Variants in OXR1 observed in about 807,000 individuals in gnomAD.
The protein encoded by OXR1 is oxidation resistance 1.
A neutral mutation model predicts 104.6 loss-of-function variants in OXR1; 41 were observed. The ratio of observed to expected loss-of-function variants is 0.39; its 90% CI spans 0.31 to 0.51. The LOEUF is 0.51. Ranked by LOEUF, OXR1 falls within the 20% of genes least tolerant of loss-of-function variation. The pLI is 0.77. For missense variants in OXR1, 955 were observed against 1,031.9 expected (o/e 0.93, Z 1.02); for synonymous variants, 348 against 348.4 (o/e 1.00, Z 0.01).
chr8:106,366,119 G>T (rs1010674580), intron 2 of OXR1, among the ~76,000 whole-genome samples: 3 of 152,076 alleles, frequency 2.0e-5, no homozygotes, highest in African/African-American at 7.2e-5. Context: ...ACCAGGTTTG[G>T]GGAAAAATAT....
intron 3 of OXR1, among the ~76,000 whole-genome samples, chr8:106,653,380 C>G (rs1415352673): frequency 6.6e-6 from 1 of 151,710 alleles, no homozygotes; most frequent in Non-Finnish European, 1.5e-5. Context: ...AGAATACCAA[C>G]AAACCAAATC....
In OXR1 at chr8:106,270,260, A is replaced by C. The variant is rs1428433223; in HGVS notation, c.-246A>C. ...GGCTGAGCCCATTCACCTCGCGGCCACAGGAGCTCAGCGCCGGCGCCGCGC... is the reference window on the plus strand; with the variant it reads ...GGCTGAGCCCATTCACCTCGCGGCCCCAGGAGCTCAGCGCCGGCGCCGCGC... On this transcript the variant is annotated 5_prime_UTR_variant, in exon 1 of 17. Coordinates refer to ENST00000517566, the MANE Select transcript of OXR1 (RefSeq NM_001198533.2). The C allele has an allele frequency of 6.6e-6, 1 of 151,880 alleles. No homozygotes were observed. Among genetic ancestry groups the C allele is most frequent in the Non-Finnish European group, 1.5e-5 (1 of 67,994 alleles). 9.4% of individuals were successfully genotyped at this position (151,880 alleles called of 1,614,324 possible).
Position 106,740,354 on chromosome 8 carries a change from T to A in OXR1, c.2175T>A (p.His725Gln). The change falls in exon 14 of 17, where the codon CAT becomes CAA. Residue 725 changes from histidine to glutamine, a missense_variant. His to Gln is a conservative substitution (Grantham distance 24). Around this residue, in one of 2 missense-constraint regions of OXR1, gnomAD observed 849 missense variants for 852.9 expected, o/e 1.00. Coordinates refer to ENST00000517566, the MANE Select transcript of OXR1 (RefSeq NM_001198533.2). Reference sequence around the variant, plus strand: ...TTTGTTTTCTAAAGCTTACCAAGCATCTTCCACCAAGAACAATTGGCTATC... The same window carrying A: ...TTTGTTTTCTAAAGCTTACCAAGCAACTTCCACCAAGAACAATTGGCTATC... Reference protein sequence around the residue: ...LPDQIEKLTKHLPPRTIGYPW... With the variant: ...LPDQIEKLTKQLPPRTIGYPW... The A allele has an allele frequency of 2.5e-6, 4 of 1,611,058 alleles. No homozygotes were observed. Among genetic ancestry groups the A allele is most frequent in the Non-Finnish European group, 3.4e-6 (4 of 1,178,752 alleles).
chr8:106,284,075 A>G (rs1376373436), intron 1 of OXR1, among the ~76,000 whole-genome samples: 1 of 152,170 alleles, frequency 6.6e-6, no homozygotes, highest in Non-Finnish European at 1.5e-5. Flanking sequence ...TCAGCCGAAC[A>G]TGGGATACAA....
chr8:106,310,227 G>A (rs964808822), intron 1 of OXR1, among the ~76,000 whole-genome samples: 2 of 116,860 alleles, frequency 1.7e-5, no homozygotes, highest in Admixed American at 1.7e-4. Context: ...CAGTTCCTGT[G>A]ACCTTTTTTT....
intron 3 of OXR1, among the ~76,000 whole-genome samples, chr8:106,588,210 C>T (rs1243043159): frequency 5.9e-5 from 9 of 152,018 alleles, no homozygotes; most frequent in African/African-American, 9.7e-5. Context: ...CCGCCCACCT[C>T]GGCCTCCCAA....
chr8:106,487,047 A>G (rs888875032), intron 2 of OXR1, among the ~76,000 whole-genome samples: 4 of 140,556 alleles, frequency 2.8e-5, no homozygotes, highest in African/African-American at 8.1e-5. Flanking sequence ...TTTTTGAGAC[A>G]GTGTCTCACT....
chr8:106,299,522 C>G (rs1223523227), intron 1 of OXR1, among the ~76,000 whole-genome samples: 1 of 152,082 alleles, frequency 6.6e-6, no homozygotes, highest in Non-Finnish European at 1.5e-5. Flanking sequence ...GGCAACTGTT[C>G]CATCTGATAC....
chr8:106,650,723 T>C (rs772894960), intron 3 of OXR1, among the ~76,000 whole-genome samples: 2 of 152,218 alleles, frequency 1.3e-5, no homozygotes, highest in Admixed American at 6.5e-5. Flanking sequence ...TAGGTTCTTA[T>C]ATATACTAAC....
intron 10 of OXR1, among the ~76,000 whole-genome samples, chr8:106,712,973 A>G (rs376785346): frequency 2.0e-5 from 3 of 152,074 alleles, no homozygotes; most frequent in East Asian, 3.9e-4. Flanking sequence ...TAGGATTCTG[A>G]TCTTTATTGT....
intron 2 of OXR1, among the ~76,000 whole-genome samples, chr8:106,445,208 A>G (rs2130598925): frequency 6.6e-6 from 1 of 152,304 alleles, no homozygotes; most frequent in East Asian, 1.9e-4. Context: ...TATTTCTAGT[A>G]TAACCTCATG....
At chr8:106,372,535 A>C (rs954977379) in intron 2 of OXR1, among the ~76,000 whole-genome samples, 4 of 152,110 alleles carry the variant, frequency 2.6e-5, no homozygotes, top group African/African-American at 9.7e-5. Context: ...CCAAAATCTC[A>C]AACTTTTTGA....
chr8:106,674,666 A>G (rs750493213), intron 3 of OXR1, among the ~76,000 whole-genome samples: 2 of 152,138 alleles, frequency 1.3e-5, no homozygotes, highest in Non-Finnish European at 2.9e-5. Context: ...TTGAAATATT[A>G]TCCCCATACT....
At chr8:106,432,612 T>C (rs1038430736) in intron 2 of OXR1, among the ~76,000 whole-genome samples, 1 of 151,902 alleles carries the variant, frequency 6.6e-6, no homozygotes. Flanking sequence ...AACTGATTAA[T>C]AGTTGAACTC....
intron 3 of OXR1, among the ~76,000 whole-genome samples, chr8:106,526,848 A>T (rs937874795): frequency 6.6e-6 from 1 of 152,136 alleles, no homozygotes; most frequent in African/African-American, 2.4e-5. Context: ...ATGTATAGCT[A>T]TTGTCTCTTC....
intron 2 of OXR1, among the ~76,000 whole-genome samples, chr8:106,468,203 C>T (rs1232807831): frequency 2.0e-5 from 3 of 151,784 alleles, no homozygotes; most frequent in Non-Finnish European, 4.4e-5. Context: ...AAGGTCTTCA[C>T]CCTCAAGGAG....
At chr8:106,479,423 G>A (rs1821985078) in intron 2 of OXR1, among the ~76,000 whole-genome samples, 1 of 151,900 alleles carries the variant, frequency 6.6e-6, no homozygotes, top group South Asian at 2.1e-4. Flanking sequence ...ATTGCCTTCT[G>A]TAGTATAACT....
At chr8:106,414,078 T>A (rs1435846044) in intron 2 of OXR1, among the ~76,000 whole-genome samples, 3 of 152,118 alleles carry the variant, frequency 2.0e-5, no homozygotes, top group Non-Finnish European at 4.4e-5. Context: ...GCTAGTACTG[T>A]GCAGTAGTTT....
At position 106,730,220 on chromosome 8, in the gene OXR1, A is replaced by G. The variant is rs78292860; in HGVS notation, c.1957-7300A>G. Among the ~76,000 whole-genome samples the G allele has an allele frequency of 2.2e-3, 332 of 152,262 alleles. 1 individual carries two copies. The highest frequency in any genetic ancestry group is 3.9e-3 in the Non-Finnish European group (267 of 68,026). On this transcript the variant is annotated intron_variant, in intron 11 of 16. Transcript: ENST00000517566. ...ATTAGTGTGATATATGTTACAGTGT[A>G]TGAACTAATATTGATATATTGTCAT...
Sources: allele counts gnomAD v4.1 joint callset (sites outside exome capture counted in the v4.1 genomes callset), GRCh38; gene constraint gnomAD v4.1.1; regional missense constraint gnomAD v4.1.1; transcripts MANE v1.5; gene names NCBI Gene and HGNC (gene_info 2026-07-23, HGNC 2026-07-21).